Variants in CSMD1 observed in about 807,000 individuals in gnomAD.
CSMD1 encodes the protein CUB and sushi domain-containing protein 1.
Under a neutral mutation model 417.5 loss-of-function variants are expected in CSMD1, and 213 were observed. The observed-to-expected ratio is 0.51, with a 90% confidence interval of 0.46 to 0.57. The LOEUF (loss-of-function observed/expected upper bound fraction) is 0.57, where lower values mean the gene tolerates loss of function less well. CSMD1 is among the 20% of genes least tolerant of loss of function. The pLI, the probability that CSMD1 is intolerant of heterozygous loss-of-function variation, is 0.00. For missense variants in CSMD1, 6,923 were observed against 4,529.7 expected (o/e 1.53, Z -15.17); for synonymous variants, 2,862 against 1,736.8 (o/e 1.65, Z -16.11).
chr8:3,801,028 A>C (rs1800426675), intron 5 of CSMD1, among the ~76,000 whole-genome samples: 1 of 152,190 alleles, frequency 6.6e-6, no homozygotes, highest in African/African-American at 2.4e-5. Flanking sequence ...AAAAAAGCAA[A>C]AGAGTAAATC....
chr8:4,032,003 C>G lies in CSMD1; in HGVS notation c.512G>C (p.Cys171Ser). The G allele has an allele frequency of 6.2e-7, 1 of 1,613,968 alleles. No homozygotes were observed. Among genetic ancestry groups the G allele is most frequent in the Non-Finnish European group, 8.5e-7 (1 of 1,179,868 alleles). The change falls in exon 4 of 70, where the codon TGC becomes TCC. Residue 171 changes from cysteine to serine, a missense_variant. Physicochemically the swap from Cys to Ser is moderately radical, Grantham distance 112. Coordinates refer to ENST00000635120, the MANE Select transcript of CSMD1 (RefSeq NM_033225.6). ...GCCTTCCAAGATGTAGCCAGGGAGG[C>G]AGCTGTACCGGATTTTGTCTCCTAT... ...FNIGDKIRYS[C>S]LPGYILEGHA...
chr8:3,597,879 T>C (rs1201765997), intron 8 of CSMD1, among the ~76,000 whole-genome samples: 2 of 152,292 alleles, frequency 1.3e-5, no homozygotes, highest in East Asian at 3.9e-4. Context: ...CAGAAATACC[T>C]AATGTAAATG....
chr8:4,061,576 T>C (rs1051953242), intron 3 of CSMD1, among the ~76,000 whole-genome samples: 5 of 152,182 alleles, frequency 3.3e-5, no homozygotes, highest in Admixed American at 1.3e-4. Flanking sequence ...CTCTTGACTA[T>C]GGTAAGGAAG....
intron 2 of CSMD1, among the ~76,000 whole-genome samples, chr8:4,567,925 T>C (rs540930425): frequency 1.3e-5 from 2 of 152,296 alleles, no homozygotes; most frequent in South Asian, 2.1e-4. Context: ...TGACCTGAAA[T>C]TGCACTTTCT....
chr8:4,871,660 A>G (rs1438807609), intron 1 of CSMD1, among the ~76,000 whole-genome samples: 1 of 152,160 alleles, frequency 6.6e-6, no homozygotes, highest in Non-Finnish European at 1.5e-5. Context: ...TTCTTTAGGA[A>G]CTATATCATA....
chr8:4,630,989 G>C (rs1241376413), intron 2 of CSMD1, among the ~76,000 whole-genome samples: 1 of 152,146 alleles, frequency 6.6e-6, no homozygotes, highest in African/African-American at 2.4e-5. Flanking sequence ...TATGAGGCTG[G>C]TGTCCCTATA....
chr8:4,556,445 C>G (rs1258523082), intron 2 of CSMD1, among the ~76,000 whole-genome samples: 1 of 152,102 alleles, frequency 6.6e-6, no homozygotes, highest in Non-Finnish European at 1.5e-5. Flanking sequence ...CATATCGCAT[C>G]CACACTGTGC....
chr8:4,069,569 C>A (rs1799436781), intron 3 of CSMD1, among the ~76,000 whole-genome samples: 1 of 152,204 alleles, frequency 6.6e-6, no homozygotes, highest in Non-Finnish European at 1.5e-5. Flanking sequence ...TCACAGGCAT[C>A]CATGCAGATG....
intron 7 of CSMD1, among the ~76,000 whole-genome samples, chr8:3,663,533 G>A (rs969951818): frequency 3.9e-5 from 6 of 152,196 alleles, no homozygotes; most frequent in Admixed American, 6.5e-5. Context: ...AAGTCAAGCT[G>A]GAAACTGCTT....
chr8:4,825,839 A>AAGAC (rs1799796473), intron 1 of CSMD1, among the ~76,000 whole-genome samples: 1 of 152,100 alleles, frequency 6.6e-6, no homozygotes. Flanking sequence ...AAATGGGCAA[A>AAGAC]AGACACTTCT....
At chr8:4,389,338 G>C (rs1803688327) in intron 3 of CSMD1, among the ~76,000 whole-genome samples, 1 of 152,116 alleles carries the variant, frequency 6.6e-6, no homozygotes, top group Non-Finnish European at 1.5e-5. Flanking sequence ...CTCTTGGTGA[G>C]TGTAAAGAGC....
chr8:3,530,271 A>T (rs1215838490), intron 10 of CSMD1, among the ~76,000 whole-genome samples: 1 of 152,112 alleles, frequency 6.6e-6, no homozygotes, highest in African/African-American at 2.4e-5. Flanking sequence ...TCAATATCTT[A>T]TATTTTAATG....
intron 5 of CSMD1, among the ~76,000 whole-genome samples, chr8:3,939,972 A>T (rs1055016086): frequency 1.3e-5 from 2 of 152,144 alleles, no homozygotes; most frequent in Non-Finnish European, 2.9e-5. Flanking sequence ...GAACTTACCC[A>T]TGTAACCAAA....
chr8:4,985,753 G>T (rs2924730), intron 1 of CSMD1, among the ~76,000 whole-genome samples: 27,002 of 152,164 alleles, frequency 0.18, 3,094 homozygotes, highest in African/African-American at 0.32. Flanking sequence ...GTAAAATGGA[G>T]CATGGATGTT....
intron 5 of CSMD1, among the ~76,000 whole-genome samples, chr8:3,836,696 G>A (rs115739120): frequency 0.015 from 2,296 of 152,174 alleles, 65 homozygotes; most frequent in African/African-American, 0.052. Context: ...AATATGGTTA[G>A]AATTGGGAAA....
chr8:3,608,798 G>A (rs1324592837), intron 8 of CSMD1, among the ~76,000 whole-genome samples: 1 of 151,708 alleles, frequency 6.6e-6, no homozygotes, highest in Non-Finnish European at 1.5e-5. Flanking sequence ...CCAGCAGTGT[G>A]CATCACGGCC....
At chr8:4,945,312 G>C (rs1383295255) in intron 1 of CSMD1, among the ~76,000 whole-genome samples, 2 of 152,096 alleles carry the variant, frequency 1.3e-5, no homozygotes, top group Admixed American at 6.6e-5. Flanking sequence ...ATAAGTCCTG[G>C]AGATGGATGA....
chr8:3,341,639 G>A (rs939296538), intron 23 of CSMD1, among the ~76,000 whole-genome samples: 2 of 152,142 alleles, frequency 1.3e-5, no homozygotes, highest in Admixed American at 6.5e-5. Context: ...CCAGGCCAAC[G>A]TTTTCTGCTC....
intron 1 of CSMD1, among the ~76,000 whole-genome samples, chr8:4,890,575 G>C (rs886613430): frequency 2.7e-5 from 4 of 148,948 alleles, no homozygotes; most frequent in African/African-American, 5.0e-5. Context: ...TGGGCATCCT[G>C]GGCAGGACAG....
Sources: allele counts gnomAD v4.1 joint callset (sites outside exome capture counted in the v4.1 genomes callset), GRCh38; gene constraint gnomAD v4.1.1; transcripts MANE v1.5; gene names NCBI Gene and HGNC (gene_info 2026-07-23, HGNC 2026-07-21).